CAPN7: variants seen among roughly 807,000 people sequenced by gnomAD.
CAPN7 encodes the protein calpain-7.
Under a neutral mutation model 115.2 loss-of-function variants are expected in CAPN7, and 72 were observed. That is an observed-to-expected ratio of 0.63 (90% CI 0.52 to 0.76). The LOEUF is 0.76. CAPN7 is among the 30% of genes least tolerant of loss of function. The pLI, the probability that CAPN7 is intolerant of heterozygous loss-of-function variation, is 0.00. For missense variants in CAPN7, 905 were observed against 971.5 expected (o/e 0.93, Z 0.91); for synonymous variants, 344 against 322.3 (o/e 1.07, Z -0.72).
chr3:15,224,027 G>A (rs1444682965), intron 6 of CAPN7, among the ~76,000 whole-genome samples: 1 of 152,164 alleles, frequency 6.6e-6, no homozygotes, highest in Non-Finnish European at 1.5e-5. Flanking sequence ...TTTGGTTCAG[G>A]AGTCCGAGCT....
At position 15,211,148 on chromosome 3, in the gene CAPN7, T is replaced by C. The variant is rs530895274; in HGVS notation, c.103-956T>C. On this transcript the variant is annotated intron_variant, in intron 1 of 20. Coordinates refer to ENST00000253693, the MANE Select transcript of CAPN7 (RefSeq NM_014296.3). Reference sequence around the variant, plus strand: ...TAAAATGTGTCATCCTTTGTCAGTATTTTCTGTGGAGAAAACTGTTTTCCT... The same window carrying C: ...TAAAATGTGTCATCCTTTGTCAGTACTTTCTGTGGAGAAAACTGTTTTCCT... 2.0e-5 allele frequency among the ~76,000 whole-genome samples: 3 copies of C among 152,366 alleles called. No homozygotes were observed. In the East Asian group the frequency reaches 5.8e-4, roughly 29 times the overall value.
intron 4 of CAPN7, among the ~76,000 whole-genome samples, chr3:15,220,188 A>G (rs1330378530): frequency 3.9e-5 from 6 of 152,144 alleles, no homozygotes; most frequent in Admixed American, 3.9e-4. Flanking sequence ...CAACAGAGTG[A>G]AACGCCGTCT....
intron 16 of CAPN7, among the ~76,000 whole-genome samples, chr3:15,242,872 A>G (rs543290149): frequency 2.0e-4 from 31 of 152,372 alleles, no homozygotes; most frequent in Middle Eastern, 3.4e-3. Flanking sequence ...TTTTTAAAAA[A>G]TGTGTATCAC....
At position 15,252,809 on chromosome 3, in the gene CAPN7, G is replaced by A; in HGVS notation, c.*1549G>A. 7.8e-6 allele frequency: 1 copy of A among 127,830 alleles called. No individual in the cohort carries two copies. The highest frequency in any genetic ancestry group is 5.3e-5 in the African/African-American group (1 of 18,874). The allele number at this position is 127,830 out of a possible 1,614,324, so 7.9% of individuals were successfully genotyped here. On this transcript the variant is annotated 3_prime_UTR_variant, in exon 21 of 21. Transcript: ENST00000253693. ...TTGATACTTTAACTTGGACCTTGAA[G>A]GTAAAGCTTCAAAAGACAGGTTACT...
At chr3:15,210,024 A>T (rs1011046191) in intron 1 of CAPN7, among the ~76,000 whole-genome samples, 4 of 152,176 alleles carry the variant, frequency 2.6e-5, no homozygotes, top group African/African-American at 9.7e-5. Flanking sequence ...TTTCAGAGAC[A>T]GGGTCTCATT....
chr3:15,229,570 T>C (rs960417159), intron 8 of CAPN7, among the ~76,000 whole-genome samples: 11 of 84,196 alleles, frequency 1.3e-4, no homozygotes, highest in African/African-American at 3.8e-4. Flanking sequence ...TCTTTTTTTT[T>C]TTTTTTTTTT....
chr3:15,232,626 G>C lies in CAPN7; in HGVS notation c.1140G>C (p.Met380Ile). 1 of 1,612,420 alleles carries C rather than the reference G, an allele frequency of 6.2e-7. No individual in the cohort carries two copies. Among genetic ancestry groups the C allele is most frequent in the South Asian group, 1.1e-5 (1 of 90,836 alleles). The change falls in exon 10 of 21, where the codon ATG becomes ATC. Residue 380 changes from methionine to isoleucine, a missense_variant. Transcript: ENST00000253693. ...TTTCTCTCATAGAAAAAGCATACAT[G>C]AAAGTCATGGGAGGATATGATTTTC... ...LWVSLIEKAY[M>I]KVMGGYDFPG...
At chr3:15,226,335 A>G (rs889556682) in intron 6 of CAPN7, among the ~76,000 whole-genome samples, 1 of 152,174 alleles carries the variant, frequency 6.6e-6, no homozygotes, top group African/African-American at 2.4e-5. Flanking sequence ...CAGCCTCCCA[A>G]AGTGCTGGGA....
intron 2 of CAPN7, among the ~76,000 whole-genome samples, chr3:15,212,732 C>T (rs2045025783): frequency 6.6e-6 from 1 of 152,166 alleles, no homozygotes; most frequent in Non-Finnish European, 1.5e-5. Flanking sequence ...AACAGCACAA[C>T]AGGTACAATA....
chr3:15,222,501 C>G (rs1165361301), intron 5 of CAPN7, among the ~76,000 whole-genome samples: 1 of 152,198 alleles, frequency 6.6e-6, no homozygotes, highest in East Asian at 1.9e-4. Context: ...TAGCAGCCAT[C>G]TGAGAGCATT....
intron 1 of CAPN7, among the ~76,000 whole-genome samples, chr3:15,208,211 T>A: frequency 7.4e-6 from 1 of 135,508 alleles, no homozygotes; most frequent in East Asian, 2.0e-4. Flanking sequence ...GTGTATATGC[T>A]TTTTTTTTTT....
At chr3:15,229,573 T>C (rs908290075) in intron 8 of CAPN7, among the ~76,000 whole-genome samples, 8 of 136,940 alleles carry the variant, frequency 5.8e-5, no homozygotes, top group East Asian at 4.1e-4. Context: ...TTTTTTTTTT[T>C]TTTTTTTTTT....
Position 15,251,385 on chromosome 3 carries a change from A to C in CAPN7, c.*125A>C. ...AATTAAATCTCTAAAAACGTGTTACAGTGGAATCTGGTGCTTGTCAGGGTG... is the reference window on the plus strand; with the variant it reads ...AATTAAATCTCTAAAAACGTGTTACCGTGGAATCTGGTGCTTGTCAGGGTG... On this transcript the variant is annotated 3_prime_UTR_variant, in exon 21 of 21. Coordinates refer to ENST00000253693, the MANE Select transcript of CAPN7 (RefSeq NM_014296.3). 1.2e-6 allele frequency: 1 copy of C among 817,202 alleles called. No individual in the cohort carries two copies. Among genetic ancestry groups the C allele is most frequent in the Admixed American group, 2.8e-5 (1 of 35,896 alleles). The allele number at this position is 817,202 out of a possible 1,614,324, so 50.6% of individuals were successfully genotyped here.
chr3:15,210,388 C>A (rs1201226838), intron 1 of CAPN7, among the ~76,000 whole-genome samples: 1 of 151,418 alleles, frequency 6.6e-6, no homozygotes, highest in Non-Finnish European at 1.5e-5. Flanking sequence ...CAAAAACATT[C>A]CGTTTATTGG....
rs1011983976 is a variant in CAPN7, at chr3:15,252,266, A to G, written c.*1006A>G. On this transcript the variant is annotated 3_prime_UTR_variant, in exon 21 of 21. Transcript: ENST00000253693. ...TTATCAAAACTTATTTTGTATTGCT[A>G]CTACCTTAAATTGAAATAAAATGTT... 6.6e-6 allele frequency: 1 copy of G among 152,644 alleles called. No individual in the cohort carries two copies. Among genetic ancestry groups the G allele is most frequent in the Non-Finnish European group, 1.5e-5 (1 of 68,024 alleles). The allele number at this position is 152,644 out of a possible 1,614,324, so 9.5% of individuals were successfully genotyped here. A position where few individuals can be genotyped will look rare whatever the true frequency, so the allele number is the denominator to read the frequency against.
intron 6 of CAPN7, among the ~76,000 whole-genome samples, chr3:15,226,671 GATA>G (rs933872639): frequency 6.6e-5 from 10 of 152,112 alleles, no homozygotes; most frequent in Admixed American, 2.0e-4. Flanking sequence ...TCTGTGAGAT[GATA>G]ATAAAAAATG....
rs775746228 is a variant in CAPN7, at chr3:15,218,509, CTG to C, written c.407_408del (p.Leu136GlnfsTer16). 3.1e-6 allele frequency: 5 copies of C among 1,613,492 alleles called. No individual in the cohort carries two copies. The highest frequency in any genetic ancestry group is 4.2e-6 in the Non-Finnish European group (5 of 1,179,446). ...TGCTGATAAAGTCCTGCAAAATAAA[CTG>C]AAACAGTTGGCTCGACAGGCACTAG... is the stretch of plus-strand genomic sequence containing the variant. ...ETADKVLQNKLKQLARQALDR... is the reference protein window; with the variant it reads ...ETADKVLQNKXKQLARQALDR... On this transcript the variant is annotated frameshift_variant, in exon 4 of 21. Coordinates refer to ENST00000253693, the MANE Select transcript of CAPN7 (RefSeq NM_014296.3). LOFTEE classifies it high-confidence loss of function.
intron 12 of CAPN7, among the ~76,000 whole-genome samples, chr3:15,239,090 C>T (rs1315162847): frequency 2.6e-5 from 4 of 151,944 alleles, no homozygotes; most frequent in East Asian, 1.9e-4. Flanking sequence ...AGTTAAATGT[C>T]GGTTGACTTA....
At chr3:15,223,408 A>G in intron 5 of CAPN7, 67 bp from the exon 6 acceptor site, 1 of 957,176 alleles carries the variant, frequency 1.0e-6, no homozygotes. Flanking sequence ...TAAATTTTAA[A>G]GAGTTGAAAT....
Sources: allele counts gnomAD v4.1 joint callset (sites outside exome capture counted in the v4.1 genomes callset), GRCh38; gene constraint gnomAD v4.1.1; transcripts MANE v1.5; gene names NCBI Gene and HGNC (gene_info 2026-07-23, HGNC 2026-07-21).